Variants in PCBP3 observed in about 807,000 individuals in gnomAD.
The protein encoded by PCBP3 is poly(rC) binding protein 3.
PCBP3 carries 25 observed loss-of-function variants against 52.7 expected under a neutral mutation model. That is an observed-to-expected ratio of 0.47 (90% CI 0.35 to 0.66). The LOEUF is 0.66. PCBP3 is among the 30% of genes least tolerant of loss of function. The pLI, the probability that PCBP3 is intolerant of heterozygous loss-of-function variation, is 0.01. For missense variants in PCBP3, 391 were observed against 490.3 expected, an observed-to-expected ratio of 0.80 and a Z score of 1.91; for synonymous variants, 162 against 183.0, an observed-to-expected ratio of 0.89 and a Z score of 0.93.
rs201146237 is a variant in PCBP3, at chr21:45,747,688, G to A, written c.-161-7729G>A. ...GAGGCTGCGGTCTTGCCCTTACCCC[G>A]CTCCTCGCCAGCCAGCAGAAGCTCT... On this transcript the variant is annotated intron_variant, in intron 3 of 17. Transcript: ENST00000681687. Among the ~76,000 whole-genome samples, 333 of 152,318 alleles carry A rather than the reference G, an allele frequency of 2.2e-3. 3 individuals are homozygous for A. Among genetic ancestry groups the A allele is most frequent in the African/African-American group, 7.7e-3 (319 of 41,558 alleles).
intron 3 of PCBP3, among the ~76,000 whole-genome samples, chr21:45,739,586 G>GGCCC (rs2086237755): frequency 7.1e-5 from 2 of 28,012 alleles, no homozygotes; most frequent in African/African-American, 2.2e-4. Flanking sequence ...TCCTCTGGGT[G>GGCCC]CCCCCCCCCA....
chr21:45,929,351 G>A (rs1385376776), intron 13 of PCBP3, among the ~76,000 whole-genome samples: 3 of 152,214 alleles, frequency 2.0e-5, no homozygotes, highest in African/African-American at 7.2e-5. Flanking sequence ...CTAAAAGGCA[G>A]ATGTGTGGCC....
intron 5 of PCBP3, among the ~76,000 whole-genome samples, chr21:45,864,215 G>A (rs2094618582): frequency 6.6e-6 from 1 of 152,128 alleles, no homozygotes; most frequent in African/African-American, 2.4e-5. Flanking sequence ...GCTTCTGTGG[G>A]TGAACGCTGG....
At chr21:45,721,328 G>T (rs2084619890) in intron 2 of PCBP3, among the ~76,000 whole-genome samples, 1 of 150,384 alleles carries the variant, frequency 6.6e-6, no homozygotes, top group Non-Finnish European at 1.5e-5. Flanking sequence ...CATAAGAATC[G>T]CTTGAACCCA....
chr21:45,836,990 G>T (rs1010157569), intron 4 of PCBP3, among the ~76,000 whole-genome samples: 28 of 152,142 alleles, frequency 1.8e-4, no homozygotes, highest in African/African-American at 5.8e-4. Context: ...TGATGCTTCC[G>T]TGGACATTCC....
intron 2 of PCBP3, among the ~76,000 whole-genome samples, chr21:45,669,789 G>GTA (rs2081033660): frequency 2.0e-5 from 1 of 49,436 alleles, no homozygotes; most frequent in Admixed American, 2.4e-4. Context: ...ATATTCCATT[G>GTA]TGTGTGTGTG....
chr21:45,899,205 TTTTC>T (rs1308552703), intron 6 of PCBP3, among the ~76,000 whole-genome samples: 3 of 152,176 alleles, frequency 2.0e-5, no homozygotes, highest in Non-Finnish European at 4.4e-5. Flanking sequence ...CAGTGCTAAG[TTTTC>T]TTTAAGTCAC....
chr21:45,898,562 TA>T (rs1569467384), intron 6 of PCBP3, among the ~76,000 whole-genome samples: 3 of 109,258 alleles, frequency 2.7e-5, no homozygotes, highest in East Asian at 9.0e-4. Flanking sequence ...AGCCTCCCTC[TA>T]CACGCCATCC....
intron 2 of PCBP3, among the ~76,000 whole-genome samples, chr21:45,678,277 G>T (rs1435236711): frequency 1.3e-5 from 2 of 150,698 alleles, no homozygotes; most frequent in Non-Finnish European, 2.9e-5. Context: ...CTGCACTCTA[G>T]CCTGGGCGAC....
chr21:45,871,127 G>A lies in PCBP3; in HGVS notation c.10+21032G>A, dbSNP rs536766360. The A allele has an allele frequency of 2.2e-3, 407 of 182,624 alleles. 4 individuals are homozygous for A. Among genetic ancestry groups the A allele is most frequent in the Admixed American group, 5.3e-3 (82 of 15,390 alleles). The allele number at this position is 182,624 out of a possible 1,614,324, so 11.3% of individuals were successfully genotyped here. A position where few individuals can be genotyped will look rare whatever the true frequency, so the allele number is the denominator to read the frequency against. The stretch of plus-strand genomic sequence containing the variant: ...AGATGGGAACCCCCCAGGGAAGGCC[G>A]TGCAGCCCAGTGCCCAGGAGAGATG... On this transcript the variant is annotated intron_variant, in intron 5 of 17. Coordinates refer to ENST00000681687, the MANE Select transcript of PCBP3 (RefSeq NM_001384156.1).
chr21:45,696,824 G>A (rs1382262201), intron 2 of PCBP3, among the ~76,000 whole-genome samples: 1 of 151,764 alleles, frequency 6.6e-6, no homozygotes, highest in Non-Finnish European at 1.5e-5. Flanking sequence ...CAAAAAATGG[G>A]CAAGAGCCTT....
chr21:45,800,854 G>A lies in PCBP3; in HGVS notation c.-126+45402G>A, dbSNP rs904270628. Among the ~76,000 whole-genome samples the A allele has an allele frequency of 6.7e-6, 1 of 148,652 alleles. No homozygotes were observed. The highest frequency in any genetic ancestry group is 1.5e-5 in the Non-Finnish European group (1 of 68,006). Reference sequence around the variant, plus strand: ...CATCCTCCTGGGAGATGGGGTGTTTGAGCATGGGGTTCCCGCCTCCTCCTC... The same window carrying A: ...CATCCTCCTGGGAGATGGGGTGTTTAAGCATGGGGTTCCCGCCTCCTCCTC... On this transcript the variant is annotated intron_variant, in intron 4 of 17. Transcript: ENST00000681687. The surrounding 1 kb of genome is among the most constrained non-coding windows in gnomAD (Gnocchi z 5.3).
At chr21:45,764,459 T>C (rs2089086296) in intron 4 of PCBP3, among the ~76,000 whole-genome samples, 1 of 152,214 alleles carries the variant, frequency 6.6e-6, no homozygotes, top group African/African-American at 2.4e-5. Context: ...AATTGTGCTA[T>C]AGCAAAACAA....
At chr21:45,796,888 A>G (rs1208287615) in intron 4 of PCBP3, among the ~76,000 whole-genome samples, 4 of 152,362 alleles carry the variant, frequency 2.6e-5, no homozygotes, top group African/African-American at 7.2e-5. Flanking sequence ...TTATAATAGC[A>G]TTTCTAATTA....
In PCBP3 at chr21:45,827,323, G is replaced by C. The variant is rs2093334860; in HGVS notation, c.-125-22638G>C. On this transcript the variant is annotated intron_variant, in intron 4 of 17. Coordinates refer to ENST00000681687, the MANE Select transcript of PCBP3 (RefSeq NM_001384156.1). This position sits in a 1 kb window ranked among gnomAD's most constrained non-coding sequence, Gnocchi z 4.3. The stretch of plus-strand genomic sequence containing the variant: ...GGAGGCCGGTGAAAATGAGATAAAA[G>C]AAGATCTGGACATGATCATCACGTC... 6.6e-6 allele frequency among the ~76,000 whole-genome samples: 1 copy of C among 152,178 alleles called. No homozygotes were observed. The highest frequency in any genetic ancestry group is 2.4e-5 in the African/African-American group (1 of 41,424).
chr21:45,859,262 G>A (rs1034821546), intron 5 of PCBP3, among the ~76,000 whole-genome samples: 1 of 108,702 alleles, frequency 9.2e-6, no homozygotes, highest in African/African-American at 3.6e-5. Flanking sequence ...GCCAGGAGGG[G>A]CCGTGCTGCA....
At chr21:45,679,032 C>T (rs975682745) in intron 2 of PCBP3, among the ~76,000 whole-genome samples, 1 of 151,706 alleles carries the variant, frequency 6.6e-6, no homozygotes, top group Non-Finnish European at 1.5e-5. Context: ...CAAGACCCCA[C>T]CACTAAAAAG....
intron 4 of PCBP3, among the ~76,000 whole-genome samples, chr21:45,841,631 T>C (rs1209633084): frequency 6.6e-6 from 1 of 152,252 alleles, no homozygotes; most frequent in African/African-American, 2.4e-5. Flanking sequence ...TCTGCTAGTG[T>C]GTTATTTATC....
chr21:45,707,208 A>G (rs541076736), intron 2 of PCBP3, among the ~76,000 whole-genome samples: 39 of 152,270 alleles, frequency 2.6e-4, no homozygotes, highest in African/African-American at 9.4e-4. Context: ...TGCACGAGTC[A>G]CCTGGGTTTT....
Sources: allele counts gnomAD v4.1 joint callset (sites outside exome capture counted in the v4.1 genomes callset), GRCh38; gene constraint gnomAD v4.1.1; non-coding constraint Gnocchi (gnomAD v3.1); transcripts MANE v1.5; gene names NCBI Gene and HGNC (gene_info 2026-07-23, HGNC 2026-07-21).